The following GGA2 variants were observed in gnomAD, a reference collection of about 807,000 sequenced individuals.
GGA2 encodes golgi associated, gamma adaptin ear containing, ARF binding protein 2.
Under a neutral mutation model 79.5 loss-of-function variants are expected in GGA2, and 48 were observed. That is an observed-to-expected ratio of 0.60 (90% CI 0.48 to 0.77). The LOEUF (loss-of-function observed/expected upper bound fraction) is 0.77. Among genes scored for constraint, GGA2 ranks in the 30% least tolerant of loss-of-function variants. GGA2 has a pLI of 0.00. For missense variants in GGA2, 770 were observed against 774.0 expected (o/e 0.99, Z 0.06); for synonymous variants, 317 against 302.0 (o/e 1.05, Z -0.51).
At chr16:23,491,883 G>T in intron 4 of GGA2, 83 bp from the exon 5 acceptor site, 1 of 934,302 alleles carries the variant, frequency 1.1e-6, no homozygotes, top group Non-Finnish European at 1.7e-6. Flanking sequence ...AGCTGCTGAG[G>T]CCCAGAGACA....
intron 9 of GGA2, among the ~76,000 whole-genome samples, chr16:23,482,568 G>A (rs1489790030): frequency 1.3e-5 from 2 of 152,086 alleles, no homozygotes; most frequent in Non-Finnish European, 2.9e-5. Flanking sequence ...GCCCCTGAAG[G>A]TACAAAAGCC....
chr16:23,469,021 G>A, intron 15 of GGA2, 25 bp from the exon 16 acceptor site: 1 of 1,364,284 alleles, frequency 7.3e-7, no homozygotes, highest in East Asian at 2.3e-5. Flanking sequence ...AAACCAACAT[G>A]TAACTCATTC....
At chr16:23,502,656 G>A (rs1964932848) in intron 1 of GGA2, among the ~76,000 whole-genome samples, 1 of 152,238 alleles carries the variant, frequency 6.6e-6, no homozygotes, top group Admixed American at 6.5e-5. Context: ...ATGGAGAGGA[G>A]CAGCGGTTCT....
At chr16:23,523,086 T>C (rs1156825704), upstream of GGA2, 1 of 152,210 alleles carries the variant, frequency 6.6e-6, no homozygotes, top group Non-Finnish European at 1.5e-5. Flanking sequence ...TCTTCAATAG[T>C]GTAGTGGTTA....
At chr16:23,483,212 A>G (rs1964671382) in intron 8 of GGA2, among the ~76,000 whole-genome samples, 1 of 152,182 alleles carries the variant, frequency 6.6e-6, no homozygotes, top group Non-Finnish European at 1.5e-5. Context: ...GATTTCTGAA[A>G]ATAAAATAAT....
At chr16:23,513,358 C>G (rs1355516331), upstream of GGA2, among the ~76,000 whole-genome samples, 1 of 152,132 alleles carries the variant, frequency 6.6e-6, no homozygotes, top group East Asian at 1.9e-4. Context: ...TCTCCCAAGG[C>G]AAGCCACAGA....
chr16:23,503,324 G>A (rs1256349126), intron 1 of GGA2, among the ~76,000 whole-genome samples: 1 of 152,158 alleles, frequency 6.6e-6, no homozygotes, highest in Non-Finnish European at 1.5e-5. Context: ...TTCATGCAAA[G>A]CCTTCAGTGG....
intron 1 of GGA2, among the ~76,000 whole-genome samples, chr16:23,502,050 TCTGAG>T (rs529035464): frequency 5.1e-4 from 78 of 152,156 alleles, no homozygotes; most frequent in Admixed American, 7.2e-4. Context: ...GTGACAGTGG[TCTGAG>T]CTGAGCTGGA....
At chr16:23,519,501 C>A (rs773268246) in intron 2 of GGA2, 1 of 309,592 alleles carries the variant, frequency 3.2e-6, no homozygotes, top group South Asian at 2.3e-5. Context: ...CTGACCCAGG[C>A]TAGGCCAATC....
intron 1 of GGA2, among the ~76,000 whole-genome samples, chr16:23,499,945 A>G (rs1181550069): frequency 6.6e-6 from 1 of 152,130 alleles, no homozygotes; most frequent in Non-Finnish European, 1.5e-5. Context: ...GGGCATGTGG[A>G]GGGGACTCTG....
chr16:23,463,542 T>TA lies in GGA2; in HGVS notation c.*4047dup, dbSNP rs1041825300. 24 of 152,148 alleles carry TA rather than the reference T, an allele frequency of 1.6e-4. No homozygotes were observed. Among genetic ancestry groups the TA allele is most frequent in the African/African-American group, 5.8e-4 (24 of 41,448 alleles). The allele number at this position is 152,148 out of a possible 1,614,324, so 9.4% of individuals were successfully genotyped here. On this transcript the variant is annotated 3_prime_UTR_variant, in exon 17 of 17. Transcript: ENST00000309859. ...ATCTTAAAAAAGACGACACTGAGCA[T>TA]AAAAAAATAAGGTTTTATTTTCAGC...
chr16:23,510,294 G>C (rs1473965025), intron 1 of GGA2, 27 bp downstream of exon 1: 3 of 1,387,778 alleles, frequency 2.2e-6, no homozygotes, highest in Non-Finnish European at 2.8e-6. Context: ...CGCAGCGGCT[G>C]CGCCGAAGGC....
Position 23,491,664 on chromosome 16 carries a change from A to T in GGA2, c.475+13T>A. 1 of 1,612,408 alleles carries T rather than the reference A, an allele frequency of 6.2e-7. No homozygotes were observed. The highest frequency in any genetic ancestry group is 1.3e-5 in the African/African-American group (1 of 75,010). On this transcript the variant is annotated intron_variant, in intron 5 of 16. Coordinates refer to ENST00000309859, the MANE Select transcript of GGA2 (RefSeq NM_015044.4). ...AGTCAAGAGGAAATAAGACACAGTA[A>T]GGCAAGTCAGACCTTGTTTCTTCAG...
chr16:23,469,981 C>T lies in GGA2; in HGVS notation c.1620+15G>A. Reference sequence around the variant, plus strand: ...ACGACAGCCATTACTGAGAAATCCCCAACAGATGACTCACCTTTGGCACAG... The same window carrying T: ...ACGACAGCCATTACTGAGAAATCCCTAACAGATGACTCACCTTTGGCACAG... On this transcript the variant is annotated intron_variant, in intron 15 of 16. Coordinates refer to ENST00000309859, the MANE Select transcript of GGA2 (RefSeq NM_015044.4). The T allele has an allele frequency of 1.3e-6, 2 of 1,494,884 alleles. No individual in the cohort carries two copies. The highest frequency in any genetic ancestry group is 8.9e-7 in the Non-Finnish European group (1 of 1,118,258). 92.6% of individuals were successfully genotyped at this position (1,494,884 alleles called of 1,614,324 possible).
chr16:23,524,122 G>C, upstream of GGA2: 1 of 559,894 alleles, frequency 1.8e-6, no homozygotes, highest in Non-Finnish European at 3.2e-6. Context: ...TGTAATGTGT[G>C]AGAAACCAGA....
chr16:23,485,326 G>T (rs1395827378), intron 8 of GGA2, among the ~76,000 whole-genome samples: 1 of 152,156 alleles, frequency 6.6e-6, no homozygotes, highest in African/African-American at 2.4e-5. Context: ...TGTGATGGTT[G>T]CTTTTATGGT....
At chr16:23,500,803 C>T (rs1477557133) in intron 1 of GGA2, 2 of 181,742 alleles carry the variant, frequency 1.1e-5, no homozygotes, top group Admixed American at 6.0e-5. Context: ...TGACCTGCAG[C>T]ACATCAGTGA....
chr16:23,482,772 C>G, intron 9 of GGA2, 151 bp downstream of exon 9: 1 of 645,224 alleles, frequency 1.5e-6, no homozygotes, highest in Non-Finnish European at 2.9e-6. Flanking sequence ...GAAGTCAGTT[C>G]TGAGGCAACT....
chr16:23,492,433 A>G (rs1964800712), intron 4 of GGA2, among the ~76,000 whole-genome samples: 2 of 152,150 alleles, frequency 1.3e-5, no homozygotes, highest in Non-Finnish European at 2.9e-5. Flanking sequence ...AGGTAATAAA[A>G]CCTAGTGCTA....
Sources: allele counts gnomAD v4.1 joint callset (sites outside exome capture counted in the v4.1 genomes callset), GRCh38; gene constraint gnomAD v4.1.1; transcripts MANE v1.5; gene names NCBI Gene and HGNC (gene_info 2026-07-23, HGNC 2026-07-21).